MAN2B2: variants seen among roughly 807,000 people sequenced by gnomAD.
The protein encoded by MAN2B2 is epididymis-specific alpha-mannosidase.
In MAN2B2, 106 loss-of-function variants were observed where a neutral mutation model predicts 117.1. The ratio of observed to expected loss-of-function variants is 0.90; its 90% CI spans 0.77 to 1.06. The LOEUF (loss-of-function observed/expected upper bound fraction) is 1.06. Among genes scored for constraint, MAN2B2 ranks in the 50% least tolerant of loss-of-function variants. The pLI is 0.00. For synonymous variants in MAN2B2, 544 were observed against 595.1 expected, an observed-to-expected ratio of 0.91 and a Z score of 1.25; for missense variants, 1,326 against 1,381.4, an observed-to-expected ratio of 0.96 and a Z score of 0.64.
chr4:6,592,067 T>A, intron 5 of MAN2B2, among the ~76,000 whole-genome samples: 1 of 152,210 alleles, frequency 6.6e-6, no homozygotes, highest in East Asian at 1.9e-4. Flanking sequence ...GTGGCAGCAG[T>A]CAGCCTTGGT....
rs371785498 is a variant in MAN2B2, at chr4:6,592,776, G to C, written c.681-397G>C. The stretch of plus-strand genomic sequence containing the variant: ...AACAGAGAAAGATGTTAAATACTGA[G>C]CCTGTCTTTATTTAAAACTCTGACA... On this transcript the variant is annotated intron_variant, in intron 5 of 18. Coordinates refer to ENST00000285599, the MANE Select transcript of MAN2B2 (RefSeq NM_015274.3). 2.6e-4 allele frequency among the ~76,000 whole-genome samples: 39 copies of C among 152,300 alleles called. No homozygotes were observed. The South Asian group carries it at 7.9e-3, about 31-fold the overall frequency.
At chr4:6,590,261 T>G (rs1010933417) in intron 5 of MAN2B2, among the ~76,000 whole-genome samples, 7 of 151,866 alleles carry the variant, frequency 4.6e-5, no homozygotes, top group Non-Finnish European at 7.4e-5. Context: ...GGCGCATCCC[T>G]GTAATCCCAA....
intron 3 of MAN2B2, among the ~76,000 whole-genome samples, chr4:6,586,175 A>G (rs1430832945): frequency 6.6e-6 from 1 of 151,974 alleles, no homozygotes; most frequent in Non-Finnish European, 1.5e-5. Flanking sequence ...CCACCTCCCA[A>G]GTACCTGGGA....
Position 6,616,427 on chromosome 4 carries a change from C to T in MAN2B2, c.2702-953C>T, listed in dbSNP as rs1007720124. On this transcript the variant is annotated intron_variant, in intron 16 of 18. Transcript: ENST00000285599. ...CGTATGCTGCAGTAACAAAGAGCCC[C>T]GAATGCCCACGGTCTTAACAGTATA... Among the ~76,000 whole-genome samples the T allele has an allele frequency of 2.0e-5, 3 of 152,128 alleles. No individual in the cohort carries two copies. The East Asian group carries it at 5.8e-4, about 29-fold the overall frequency.
chr4:6,621,452 T>C lies in MAN2B2; in HGVS notation c.*167T>C, dbSNP rs1419402424. On this transcript the variant is annotated 3_prime_UTR_variant, in exon 19 of 19. Coordinates refer to ENST00000285599, the MANE Select transcript of MAN2B2 (RefSeq NM_015274.3). ...ATATTTGGGGTTTTTCCCTAATTTT[T>C]TTAAACAAAAATTACATTACAAGAT... The C allele has an allele frequency of 1.0e-5, 6 of 584,332 alleles. No individual in the cohort carries two copies. The highest frequency in any genetic ancestry group is 1.9e-5 in the African/African-American group (1 of 53,364). The allele number at this position is 584,332 out of a possible 1,614,324, so 36.2% of individuals were successfully genotyped here. A position where few individuals can be genotyped will look rare whatever the true frequency, so the allele number is the denominator to read the frequency against.
intron 10 of MAN2B2, among the ~76,000 whole-genome samples, chr4:6,603,192 C>T (rs1291529507): frequency 1.3e-5 from 2 of 152,198 alleles, no homozygotes; most frequent in African/African-American, 4.8e-5. Context: ...TTTGTCCACA[C>T]CACCCAGACA....
chr4:6,611,603 G>A (rs1254437302), intron 15 of MAN2B2, among the ~76,000 whole-genome samples: 1 of 150,338 alleles, frequency 6.7e-6, no homozygotes, highest in African/African-American at 2.5e-5. Context: ...TGTCACTTTA[G>A]GTCTGGAGGC....
At chr4:6,594,476 C>G (rs540787960) in intron 6 of MAN2B2, 58 bp from the exon 7 acceptor site, 1 of 1,559,832 alleles carries the variant, frequency 6.4e-7, no homozygotes, top group African/African-American at 1.4e-5. Flanking sequence ...TCGGCCCACC[C>G]CCACTGGGCG....
At chr4:6,589,890 G>T (rs913906349) in intron 5 of MAN2B2, among the ~76,000 whole-genome samples, 1 of 151,866 alleles carries the variant, frequency 6.6e-6, no homozygotes, top group African/African-American at 2.4e-5. Context: ...AACCAGCCTG[G>T]GCTTCCTAGT....
chr4:6,605,320 T>C lies in MAN2B2; in HGVS notation c.1805T>C (p.Ile602Thr). 6.2e-7 allele frequency: 1 copy of C among 1,608,436 alleles called. No homozygotes were observed. The highest frequency in any genetic ancestry group is 1.3e-5 in the African/African-American group (1 of 74,964). ...LDQDTNLMHSIWERQSNRTVR... is the reference protein window; with the variant it reads ...LDQDTNLMHSTWERQSNRTVR... ...CAGGATACCAACCTGATGCACAGCA[T>C]CTGGGAGAGGTAAGGTGCAGCCATT... The change falls in exon 11 of 19, where the codon ATC (isoleucine) becomes ACC (threonine). Residue 602 changes from isoleucine to threonine, a missense_variant. Transcript: ENST00000285599.
At chr4:6,604,082 T>C (rs1328827114) in intron 10 of MAN2B2, among the ~76,000 whole-genome samples, 2 of 151,764 alleles carry the variant, frequency 1.3e-5, no homozygotes, top group African/African-American at 4.8e-5. Flanking sequence ...CAGGAGAAGG[T>C]AGTCCAGGTG....
Position 6,621,505 on chromosome 4 carries a change from A to C in MAN2B2, c.*220A>C, listed in dbSNP as rs751098854. On this transcript the variant is annotated 3_prime_UTR_variant, in exon 19 of 19. Transcript: ENST00000285599. ...AGGTTCTTCCCCCCCACACTCAATC[A>C]AGCCAGCCCTCTCCTCTTCTGTCAC... The C allele has an allele frequency of 7.7e-6, 4 of 520,000 alleles. No homozygotes were observed. Among genetic ancestry groups the C allele is most frequent in the Non-Finnish European group, 1.4e-5 (4 of 290,826 alleles). The allele number at this position is 520,000 out of a possible 1,614,324, so 32.2% of individuals were successfully genotyped here. A position where few individuals can be genotyped will look rare whatever the true frequency, so the allele number is the denominator to read the frequency against.
intron 3 of MAN2B2, among the ~76,000 whole-genome samples, chr4:6,579,877 C>G (rs995341888): frequency 3.9e-5 from 6 of 152,190 alleles, no homozygotes; most frequent in African/African-American, 1.4e-4. Flanking sequence ...TAATGGCGGG[C>G]TGATGGTGAG....
intron 5 of MAN2B2, among the ~76,000 whole-genome samples, chr4:6,592,811 T>C (rs1726907224): frequency 1.3e-5 from 2 of 151,442 alleles, no homozygotes; most frequent in South Asian, 4.1e-4. Flanking sequence ...ATTTTGTTCC[T>C]CATGGGTTTT....
chr4:6,604,515 G>A (rs1045466812), intron 10 of MAN2B2, among the ~76,000 whole-genome samples: 2 of 151,068 alleles, frequency 1.3e-5, no homozygotes, highest in Non-Finnish European at 2.9e-5. Flanking sequence ...GGGATGGGAT[G>A]ACTAGGGGGT....
At chr4:6,611,416 A>G in intron 15 of MAN2B2, 138 bp downstream of exon 15, 1 of 838,218 alleles carries the variant, frequency 1.2e-6, no homozygotes, top group South Asian at 1.9e-5. Flanking sequence ...CCTCTAGCCC[A>G]AGCCCCTCAT....
At chr4:6,578,605 G>A in intron 3 of MAN2B2, 107 bp downstream of exon 3, 2 of 886,978 alleles carry the variant, frequency 2.3e-6, no homozygotes, top group South Asian at 1.5e-5. Context: ...CTCTTAGTGG[G>A]GTCGGGGACC....
chr4:6,617,623 C>T (rs376256672), intron 17 of MAN2B2, 131 bp downstream of exon 17: 40 of 1,515,778 alleles, frequency 2.6e-5, no homozygotes, highest in African/African-American at 1.1e-4. Flanking sequence ...GGCCCCACCC[C>T]GCCCTTCTTC....
chr4:6,588,477 T>C (rs975990224), intron 4 of MAN2B2, among the ~76,000 whole-genome samples: 1 of 152,240 alleles, frequency 6.6e-6, no homozygotes. Flanking sequence ...TCCCAGCCCT[T>C]TGGGAGGTGG....
Sources: gnomAD v4.1 joint callset for allele counts (sites outside exome capture counted in the v4.1 genomes callset) on GRCh38, gnomAD v4.1.1 for gene constraint, MANE v1.5 for transcripts, NCBI Gene and HGNC (gene_info 2026-07-23, HGNC 2026-07-21) for gene names.